Variants in NEGR1 observed in about 807,000 individuals in gnomAD.
NEGR1 encodes the protein IgLON family member 4.
In NEGR1, 10 loss-of-function variants were observed where a neutral mutation model predicts 40.9. That is an observed-to-expected ratio of 0.24 (90% CI 0.15 to 0.42). The LOEUF (loss-of-function observed/expected upper bound fraction) is 0.42. NEGR1 is among the 10% of genes least tolerant of loss of function. The pLI, the probability that NEGR1 is intolerant of heterozygous loss-of-function variation, is 1.00. For missense variants in NEGR1, 352 were observed against 438.9 expected (o/e 0.80, Z 1.77); for synonymous variants, 185 against 166.8 (o/e 1.11, Z -0.84).
At chr1:71,844,264 T>C (rs1659331417) in intron 2 of NEGR1, among the ~76,000 whole-genome samples, 1 of 152,172 alleles carries the variant, frequency 6.6e-6, no homozygotes, top group Non-Finnish European at 1.5e-5. Context: ...AAGAGCAGAA[T>C]GCAAGAATTT....
intron 4 of NEGR1, among the ~76,000 whole-genome samples, chr1:71,659,843 G>A (rs1401715505): frequency 6.6e-6 from 1 of 152,154 alleles, no homozygotes; most frequent in Non-Finnish European, 1.5e-5. Flanking sequence ...TGATGATGTT[G>A]TGGAGAAAAG....
At chr1:71,432,088 C>T (rs1299861614) in intron 6 of NEGR1, among the ~76,000 whole-genome samples, 2 of 151,786 alleles carry the variant, frequency 1.3e-5, no homozygotes, top group Non-Finnish European at 1.5e-5. Flanking sequence ...CATATAGGTC[C>T]CAGAGGGAAC....
chr1:71,834,909 A>ACACACACACACACACACACACACAGC (rs1553168608), intron 2 of NEGR1, among the ~76,000 whole-genome samples: 15 of 151,866 alleles, frequency 9.9e-5, no homozygotes, highest in African/African-American at 3.6e-4. Context: ...ACACACACAC[A>ACACACACACACACACACACACACAGC]GCAGTTATCT....
intron 1 of NEGR1, among the ~76,000 whole-genome samples, chr1:72,063,133 T>C (rs929024137): frequency 2.0e-5 from 3 of 151,986 alleles, no homozygotes; most frequent in African/African-American, 7.2e-5. Context: ...ACTGTAGCAG[T>C]AAAAATCATT....
intron 2 of NEGR1, among the ~76,000 whole-genome samples, chr1:71,923,987 T>C (rs1645747195): frequency 6.6e-6 from 1 of 151,900 alleles, no homozygotes; most frequent in Admixed American, 6.6e-5. Context: ...CCACTCACTG[T>C]AGCCTCCACC....
chr1:71,557,507 C>T (rs1313121988), intron 6 of NEGR1, among the ~76,000 whole-genome samples: 1 of 151,548 alleles, frequency 6.6e-6, no homozygotes, highest in Non-Finnish European at 1.5e-5. Context: ...TCTAATGTCT[C>T]TAGTTGTTTA....
At chr1:71,433,544 C>T (rs569074965) in intron 6 of NEGR1, among the ~76,000 whole-genome samples, 170 of 152,236 alleles carry the variant, frequency 1.1e-3, no homozygotes, top group African/African-American at 4.0e-3. Flanking sequence ...GTGAAGGCTT[C>T]GGAATCATGG....
chr1:72,012,393 G>A (rs1312693962), intron 1 of NEGR1, among the ~76,000 whole-genome samples: 1 of 152,038 alleles, frequency 6.6e-6, no homozygotes, highest in African/African-American at 2.4e-5. Context: ...TTATAAAAGT[G>A]TCACAGGACC....
chr1:71,469,729 TG>T (rs1646769666), intron 6 of NEGR1, among the ~76,000 whole-genome samples: 1 of 152,080 alleles, frequency 6.6e-6, no homozygotes, highest in Admixed American at 6.6e-5. Flanking sequence ...AGGGTATATC[TG>T]GTGAAAATGT....
chr1:72,169,360 T>C (rs1427734000), intron 1 of NEGR1, among the ~76,000 whole-genome samples: 2 of 152,184 alleles, frequency 1.3e-5, no homozygotes, highest in African/African-American at 4.8e-5. Flanking sequence ...ATCAACCTAC[T>C]GGACTTTAAA....
intron 5 of NEGR1, among the ~76,000 whole-genome samples, chr1:71,601,239 G>C (rs1649908618): frequency 6.6e-6 from 1 of 152,130 alleles, no homozygotes; most frequent in Non-Finnish European, 1.5e-5. Flanking sequence ...CTAATCATCA[G>C]AGAAATGCAA....
chr1:71,453,379 A>C (rs1435697645), intron 6 of NEGR1, among the ~76,000 whole-genome samples: 2 of 152,122 alleles, frequency 1.3e-5, no homozygotes, highest in Non-Finnish European at 2.9e-5. Context: ...AATATTAGGT[A>C]AGCTTTGGAT....
chr1:71,552,653 A>G (rs536324405), intron 6 of NEGR1, among the ~76,000 whole-genome samples: 16 of 150,438 alleles, frequency 1.1e-4, no homozygotes, highest in African/African-American at 3.6e-4. Flanking sequence ...ATCTATATGT[A>G]TATATAGTAT....
intron 6 of NEGR1, among the ~76,000 whole-genome samples, chr1:71,477,895 T>TA (rs1646831566): frequency 2.0e-5 from 3 of 150,884 alleles, no homozygotes; most frequent in African/African-American, 7.3e-5. Context: ...TCTTGGATTT[T>TA]TAAAAAAAAA....
rs78020086 is a variant in NEGR1 at position 71,940,709 on chromosome 1, A to T, written c.177-5398T>A. Among the ~76,000 whole-genome samples the T allele has an allele frequency of 3.7e-3, 570 of 152,304 alleles. 3 individuals carry two copies. Among genetic ancestry groups the T allele is most frequent in the African/African-American group, 0.013 (550 of 41,562 alleles). On this transcript the variant is annotated intron_variant, in intron 1 of 6. Transcript: ENST00000357731. ...ATGCTATTTGATCAAACTGTTAGGA[A>T]AATTCTAACAGAATATGCCTGTGAT... is the stretch of plus-strand genomic sequence containing the variant.
At chr1:71,671,168 T>C (rs1445660004) in intron 4 of NEGR1, among the ~76,000 whole-genome samples, 5 of 152,192 alleles carry the variant, frequency 3.3e-5, no homozygotes, top group Non-Finnish European at 5.9e-5. Context: ...TGGGACAATA[T>C]GATAGGGAAA....
intron 4 of NEGR1, among the ~76,000 whole-genome samples, chr1:71,633,819 G>A (rs978044769): frequency 2.0e-5 from 3 of 152,072 alleles, no homozygotes; most frequent in African/African-American, 7.2e-5. Context: ...CCTGGAGGAA[G>A]TTGTACAAAA....
In NEGR1 at chr1:71,873,709, G is replaced by T. The variant is rs61765280; in HGVS notation, c.409+61370C>A. 1.9e-3 allele frequency among the ~76,000 whole-genome samples: 291 copies of T among 152,238 alleles called. 1 individual carries two copies. The highest frequency in any genetic ancestry group is 3.6e-3 in the Non-Finnish European group (244 of 68,012). On this transcript the variant is annotated intron_variant, in intron 2 of 6. Transcript: ENST00000357731. ...CTTCTTTCCAAATAAATGGAAAAACGTTAGTAGACTATGATGGGTAATGCC... is the reference window on the plus strand; with the variant it reads ...CTTCTTTCCAAATAAATGGAAAAACTTTAGTAGACTATGATGGGTAATGCC...
At chr1:71,857,880 G>A (rs1057035480) in intron 2 of NEGR1, among the ~76,000 whole-genome samples, 1 of 151,970 alleles carries the variant, frequency 6.6e-6, no homozygotes, top group Admixed American at 6.6e-5. Context: ...GATGGGATTT[G>A]TTTTTGAAAG....
Sources: gnomAD v4.1 joint callset for allele counts (sites outside exome capture counted in the v4.1 genomes callset) on GRCh38, gnomAD v4.1.1 for gene constraint, MANE v1.5 for transcripts, NCBI Gene and HGNC (gene_info 2026-07-23, HGNC 2026-07-21) for gene names.